The following PIEZO1 variants were observed in gnomAD, a reference collection of about 807,000 sequenced individuals.
PIEZO1 encodes the protein piezo-type mechanosensitive ion channel component 1.
In PIEZO1, 296 loss-of-function variants were observed where a neutral mutation model predicts 297.2. The ratio of observed to expected loss-of-function variants is 1.00; its 90% CI spans 0.91 to 1.10. The LOEUF is 1.10. Among genes scored for constraint, PIEZO1 ranks in the 50% least tolerant of loss-of-function variants. The pLI is 0.00. For missense variants in PIEZO1, 5,018 were observed against 3,455.5 expected (o/e 1.45, Z -11.34); for synonymous variants, 2,427 against 1,507.5 (o/e 1.61, Z -14.13).
chr16:88,717,901 G>GT, intron 44 of PIEZO1: 1 of 401,170 alleles, frequency 2.5e-6, no homozygotes, highest in Non-Finnish European at 4.8e-6. Context: ...GAGGTCAGGA[G>GT]TTTGAGACGA....
intron 22 of PIEZO1, among the ~76,000 whole-genome samples, chr16:88,730,362 G>GGGAAGC (rs1555554647): frequency 6.6e-6 from 1 of 151,430 alleles, no homozygotes; most frequent in Non-Finnish European, 1.5e-5. Context: ...CCTGTAATTT[G>GGGAAGC]GGAGGCGGGT....
rs1019732662 is a variant in PIEZO1 at position 88,725,303 on chromosome 16, C to A, written c.4162+113G>T. 5.4e-6 allele frequency: 4 copies of A among 745,918 alleles called. No individual in the cohort carries two copies. In the East Asian group the frequency reaches 1.1e-4, roughly 21 times the overall value. The allele number at this position is 745,918 out of a possible 1,614,324, so 46.2% of individuals were successfully genotyped here. ...ACAGAGGGTGATCATGCGGACAGGA[C>A]AGGCGGGCTGGGAGCCCTGTGGGAC... is the stretch of plus-strand genomic sequence containing the variant. On this transcript the variant is annotated intron_variant, in intron 29 of 50. Coordinates refer to ENST00000301015, the MANE Select transcript of PIEZO1 (RefSeq NM_001142864.4).
At position 88,720,412 on chromosome 16, in the gene PIEZO1, G is replaced by A. The variant is rs1350410384; in HGVS notation, c.5922C>T (p.Ile1974=). 6.4e-7 allele frequency: 1 copy of A among 1,550,452 alleles called. No individual in the cohort carries two copies. The highest frequency in any genetic ancestry group is 2.4e-5 in the East Asian group (1 of 40,908). ...MFLADVVDFI[I]IIFGFWAFGK... ...CAAAGGCCCAGAAGCCAAAAATGAT[G>A]ATGATGAAGTCGACAACATCAGCCA... The change falls in exon 41 of 51, where the codon ATC becomes ATT. Residue 1974 remains isoleucine (I), a synonymous_variant. Transcript: ENST00000301015.
Position 88,732,467 on chromosome 16 carries a change from G to T in PIEZO1, c.2859C>A (p.Arg953=). Reference sequence around the variant, plus strand: ...GCAGCGGGGCCAGCTGGTGCTGCCGGCGGTAGTGCTCCTGGCGCCGGTACA... The same window carrying T: ...GCAGCGGGGCCAGCTGGTGCTGCCGTCGGTAGTGCTCCTGGCGCCGGTACA... ...AIVYRRQEHY[R]RQHQLAPLPA... Residue 953 remains arginine (R), a synonymous_variant, in exon 21 of 51, where the codon CGC becomes CGA. Transcript: ENST00000301015. The T allele has an allele frequency of 6.5e-7, 1 of 1,549,438 alleles. No homozygotes were observed. Among genetic ancestry groups the T allele is most frequent in the Admixed American group, 2.0e-5 (1 of 50,958 alleles).
chr16:88,726,077 T>A, intron 27 of PIEZO1: 1 of 590,704 alleles, frequency 1.7e-6, no homozygotes, highest in Non-Finnish European at 3.0e-6. Context: ...CTGCAGCCTG[T>A]GGTCTCTGAC....
At chr16:88,734,092 T>C in intron 16 of PIEZO1, 38 bp from the exon 17 acceptor site, 1 of 1,473,270 alleles carries the variant, frequency 6.8e-7, no homozygotes, top group Non-Finnish European at 9.1e-7. Context: ...CCCAACTGGG[T>C]TCCTGCCCCT....
At chr16:88,726,221 C>G in intron 27 of PIEZO1, 63 bp downstream of exon 27, 1 of 1,386,238 alleles carries the variant, frequency 7.2e-7, no homozygotes, top group Non-Finnish European at 9.7e-7. Context: ...AGTGAGGAAC[C>G]TCCCATTGCC....
intron 29 of PIEZO1, 122 bp from the exon 30 acceptor site, chr16:88,725,202 G>C (rs1193458323): frequency 4.1e-6 from 3 of 736,322 alleles, no homozygotes; most frequent in East Asian, 3.0e-5. Flanking sequence ...ACAGTGACGG[G>C]GGCCGTGTGG....
chr16:88,779,729 CTG>C (rs1448174257), intron 1 of PIEZO1, among the ~76,000 whole-genome samples: 1 of 152,254 alleles, frequency 6.6e-6, no homozygotes, highest in African/African-American at 2.4e-5. Flanking sequence ...CAAGGAGCCT[CTG>C]TGCTCCTGGG....
Position 88,741,529 on chromosome 16 carries a change from G to A in PIEZO1, c.414C>T (p.Ile138=), listed in dbSNP as rs756101164. ...GGGTGTTCCTTGCAAGGCGCCCGCA[G>A]ATGCCGAGGCAGACAGAGGAGACCA... ...ILVVSSVCLG[I]CGRLARNTRQ... Residue 138 remains isoleucine (I), a synonymous_variant, in exon 5 of 51, where the codon ATC becomes ATT. Coordinates refer to ENST00000301015, the MANE Select transcript of PIEZO1 (RefSeq NM_001142864.4). The A allele has an allele frequency of 6.5e-7, 1 of 1,535,790 alleles. No homozygotes were observed. Among genetic ancestry groups the A allele is most frequent in the Non-Finnish European group, 8.7e-7 (1 of 1,146,792 alleles).
rs771246733 is a variant in PIEZO1 at position 88,756,402 on chromosome 16, C to T, written c.65-6923G>A. The stretch of plus-strand genomic sequence containing the variant: ...GATGGGGCGGGGTGGGCTAATGGAC[C>T]GGAAGGATCTCGTGTGACATGTCCT... On this transcript the variant is annotated intron_variant, in intron 1 of 50. Coordinates refer to ENST00000301015, the MANE Select transcript of PIEZO1 (RefSeq NM_001142864.4). Among the ~76,000 whole-genome samples, 95 of 152,266 alleles carry T rather than the reference C, an allele frequency of 6.2e-4. 1 individual carries two copies. Among genetic ancestry groups the T allele is most frequent in the Admixed American group, 4.4e-3 (67 of 15,286 alleles).
chr16:88,732,430 C>A lies in PIEZO1; in HGVS notation c.2896G>T (p.Val966Leu). ...HQLAPLPAQAVFASGTRQQLD... is the reference protein window; with the variant it reads ...HQLAPLPAQALFASGTRQQLD... ...TGCTGGCGGGTGCCGCTGGCAAACA[C>A]GGCCTGGGCAGGCAGCGGGGCCAGC... Residue 966 changes from valine to leucine, a missense_variant, in exon 21 of 51, where the codon GTG (valine) becomes TTG (leucine). Val to Leu is a conservative substitution (Grantham distance 32). Coordinates refer to ENST00000301015, the MANE Select transcript of PIEZO1 (RefSeq NM_001142864.4). The A allele has an allele frequency of 6.5e-7, 1 of 1,549,744 alleles. No individual in the cohort carries two copies. Among genetic ancestry groups the A allele is most frequent in the Non-Finnish European group, 8.7e-7 (1 of 1,146,540 alleles).
At chr16:88,738,483 T>C (rs760770941) in intron 6 of PIEZO1, 43 bp from the exon 7 acceptor site, 10 of 1,528,914 alleles carry the variant, frequency 6.5e-6, no homozygotes, top group African/African-American at 1.4e-5. Flanking sequence ...GCCAGTGCCA[T>C]GTGTCCCGCT....
intron 2 of PIEZO1, among the ~76,000 whole-genome samples, chr16:88,747,152 G>A (rs1906103590): frequency 6.6e-6 from 1 of 151,866 alleles, no homozygotes; most frequent in African/African-American, 2.4e-5. Flanking sequence ...GATCGCTTGA[G>A]CCCAGGAGGT....
intron 1 of PIEZO1, among the ~76,000 whole-genome samples, chr16:88,764,566 C>G (rs148545639): frequency 0.035 from 5,338 of 151,984 alleles, 309 homozygotes; most frequent in African/African-American, 0.12. Context: ...GCCTGGCCAA[C>G]ATGACGAAAC....
At position 88,726,703 on chromosome 16, in the gene PIEZO1, C is replaced by G. The variant is rs1214613650; in HGVS notation, c.3699+12G>C. On this transcript the variant is annotated intron_variant, in intron 25 of 50. Transcript: ENST00000301015. ...CCCCAGGGCGGTGGGTGCGGGGGGG[C>G]CGGAGGCTCACCGACAGCATGTTCT... 1 of 1,468,548 alleles carries G rather than the reference C, an allele frequency of 6.8e-7. No individual in the cohort carries two copies. Among genetic ancestry groups the G allele is most frequent in the Non-Finnish European group, 9.3e-7 (1 of 1,075,034 alleles). The allele number at this position is 1,468,548 out of a possible 1,614,324, so 91.0% of individuals were successfully genotyped here. A position where few individuals can be genotyped will look rare whatever the true frequency, so the allele number is the denominator to read the frequency against.
chr16:88,772,779 A>AC (rs1378407897), intron 1 of PIEZO1, among the ~76,000 whole-genome samples: 1 of 150,736 alleles, frequency 6.6e-6, no homozygotes, highest in Non-Finnish European at 1.5e-5. Context: ...CTCTGTCAAA[A>AC]AAAAAAAAAA....
intron 22 of PIEZO1, among the ~76,000 whole-genome samples, chr16:88,729,824 G>A (rs1427651387): frequency 5.4e-5 from 8 of 148,136 alleles, no homozygotes; most frequent in African/African-American, 1.5e-4. Context: ...GGAACCTCGC[G>A]ACCCAAAAAC....
At chr16:88,718,061 A>G (rs142149790) in intron 44 of PIEZO1, 3 of 250,142 alleles carry the variant, frequency 1.2e-5, no homozygotes, top group African/African-American at 7.0e-5. Flanking sequence ...TCAGCCTGAG[A>G]TCCTATCTCA....
Sources: allele counts gnomAD v4.1 joint callset (sites outside exome capture counted in the v4.1 genomes callset), GRCh38; gene constraint gnomAD v4.1.1; transcripts MANE v1.5; gene names NCBI Gene and HGNC (gene_info 2026-07-23, HGNC 2026-07-21).